Variants in ZNF813 observed in about 807,000 individuals in gnomAD.
ZNF813 encodes zinc finger protein 813.
A neutral mutation model predicts 7.2 loss-of-function variants in ZNF813; 3 were observed. The observed-to-expected ratio is 0.42, with a 90% CI of 0.19 to 1.08. The LOEUF is 1.08. Ranked by LOEUF, ZNF813 falls within the 50% of genes least tolerant of loss-of-function variation. ZNF813 has a pLI of 0.30. For synonymous variants in ZNF813, 227 were observed against 256.3 expected, an observed-to-expected ratio of 0.89 and a Z score of 1.09; for missense variants, 714 against 753.3, an observed-to-expected ratio of 0.95 and a Z score of 0.61.
At chr19:53,473,017 A>G (rs945920774) in intron 1 of ZNF813, among the ~76,000 whole-genome samples, 1 of 152,166 alleles carries the variant, frequency 6.6e-6, no homozygotes, top group African/African-American at 2.4e-5. Context: ...GTATGTGTAC[A>G]GTGGGGACAC....
intron 1 of ZNF813, among the ~76,000 whole-genome samples, chr19:53,471,878 G>A (rs926031112): frequency 6.7e-6 from 1 of 150,314 alleles, no homozygotes; most frequent in Non-Finnish European, 1.5e-5. Flanking sequence ...AAATTATCTT[G>A]TGACATTAAC....
In ZNF813 at chr19:53,490,564, C is replaced by T. The variant is rs1568432564; in HGVS notation, c.332C>T (p.Ala111Val). 6.2e-7 allele frequency: 1 copy of T among 1,614,146 alleles called. No individual in the cohort carries two copies. The highest frequency in any genetic ancestry group is 8.5e-7 in the Non-Finnish European group (1 of 1,180,034). ...WQEDERNSHE[A>V]PMTEIKKLTG... ...GAAGATGAAAGAAATAGCCATGAAG[C>T]ACCCATGACAGAAATCAAAAAGTTG... The change falls in exon 4 of 4, where the codon GCA becomes GTA. Residue 111 changes from alanine to valine, a missense_variant. Coordinates refer to ENST00000396403, the MANE Select transcript of ZNF813 (RefSeq NM_001004301.4).
chr19:53,481,344 C>CTT (rs66842546), intron 1 of ZNF813, among the ~76,000 whole-genome samples: 31 of 106,376 alleles, frequency 2.9e-4, no homozygotes, highest in Admixed American at 6.2e-4. Context: ...CCCATGTATT[C>CTT]TTTTTTTTTT....
At chr19:53,471,505 G>C (rs182167220) in intron 1 of ZNF813, among the ~76,000 whole-genome samples, 63 of 152,236 alleles carry the variant, frequency 4.1e-4, no homozygotes, top group Non-Finnish European at 7.1e-4. Flanking sequence ...GATAATGGAA[G>C]TTTTTAAGAG....
intron 3 of ZNF813, among the ~76,000 whole-genome samples, chr19:53,488,644 G>A (rs2086445340): frequency 1.4e-5 from 2 of 147,642 alleles, no homozygotes; most frequent in South Asian, 2.1e-4. Context: ...GGATGGTCTC[G>A]ATCTGACCTC....
At position 53,491,274 on chromosome 19, in the gene ZNF813, C is replaced by G. The variant is rs780761570; in HGVS notation, c.1042C>G (p.Leu348Val). The change falls in exon 4 of 4, where the codon CTT becomes GTT. Residue 348 changes from leucine (L) to valine (V), a missense_variant. Coordinates refer to ENST00000396403, the MANE Select transcript of ZNF813 (RefSeq NM_001004301.4). ...QTSSLTCHRR[L>V]HTGEKPFKCN... is the part of the protein sequence containing the mutation. ...GTCATCCCTTACATGCCATCGTAGA[C>G]TTCATACTGGAGAGAAACCTTTCAA... 1 of 1,613,890 alleles carries G rather than the reference C, an allele frequency of 6.2e-7. No individual in the cohort carries two copies. The highest frequency in any genetic ancestry group is 8.5e-7 in the Non-Finnish European group (1 of 1,179,934).
Position 53,493,314 on chromosome 19 carries a change from T to A in ZNF813, c.*1228T>A, listed in dbSNP as rs1443123885. 1 of 158,370 alleles carries A rather than the reference T, an allele frequency of 6.3e-6. No homozygotes were observed. Among genetic ancestry groups the A allele is most frequent in the African/African-American group, 2.4e-5 (1 of 41,526 alleles). The allele number at this position is 158,370 out of a possible 1,614,324, so 9.8% of individuals were successfully genotyped here. The stretch of plus-strand genomic sequence containing the variant: ...AAATCACATTGGGTTATATAATCAT[T>A]TAACAATATTAATTTTTCCAATCCA... On this transcript the variant is annotated 3_prime_UTR_variant, in exon 4 of 4. Coordinates refer to ENST00000396403, the MANE Select transcript of ZNF813 (RefSeq NM_001004301.4).
rs1568432501 is a variant in ZNF813 at position 53,490,436 on chromosome 19, GATCC to G, written c.206_209del (p.Ile69ThrfsTer28). 1.2e-6 allele frequency: 2 copies of G among 1,614,152 alleles called. No individual in the cohort carries two copies. Among genetic ancestry groups the G allele is most frequent in the Admixed American group, 3.3e-5 (2 of 60,018 alleles). On this transcript the variant is annotated frameshift_variant, in exon 4 of 4. Transcript: ENST00000396403. LOFTEE classifies it low-confidence loss of function (END_TRUNC). ...CAACAGCACAAGGCAATAGAGAAGTGATCCACACAGGGACATTGCAAAGACATGA... is the reference window on the plus strand; with the variant it reads ...CAACAGCACAAGGCAATAGAGAAGTGACACAGGGACATTGCAAAGACATGA...
At chr19:53,481,526 T>G (rs2086408673) in intron 1 of ZNF813, among the ~76,000 whole-genome samples, 1 of 151,862 alleles carries the variant, frequency 6.6e-6, no homozygotes, top group South Asian at 2.1e-4. Flanking sequence ...TTTTTGGATT[T>G]TTAGTAGAGA....
At chr19:53,468,982 A>G (rs547260886) in intron 1 of ZNF813, among the ~76,000 whole-genome samples, 1 of 120,192 alleles carries the variant, frequency 8.3e-6, no homozygotes, top group African/African-American at 3.1e-5. Flanking sequence ...AGTGGGGGGA[A>G]ACTTGGACAA....
rs12609217 is a variant in ZNF813, at chr19:53,490,510, A to T, written c.278A>T (p.Asp93Val). Residue 93 changes from aspartate to valine, a missense_variant, in exon 4 of 4, where the codon GAT (aspartate) becomes GTT (valine). By Grantham distance (152) the Asp-to-Val change is radical (BLOSUM62 -3). Around this residue, in one of 3 missense-constraint regions of ZNF813, gnomAD observed 563 missense variants for 554.2 expected, o/e 1.02. Coordinates refer to ENST00000396403, the MANE Select transcript of ZNF813 (RefSeq NM_001004301.4). ...TTTCGCTTTCAGGAAATTGATAAAGATATTCATAACTTAGAGTTTCAGTGG... is the reference window on the plus strand; with the variant it reads ...TTTCGCTTTCAGGAAATTGATAAAGTTATTCATAACTTAGAGTTTCAGTGG... ...GDFRFQEIDK[D>V]IHNLEFQWQE... The T allele has an allele frequency of 0.011, 17,115 of 1,614,168 alleles. 1,447 individuals carry two copies. In the East Asian group the frequency reaches 0.24, roughly 23 times the overall value.
At chr19:53,482,819 G>C (rs2086415856) in intron 1 of ZNF813, among the ~76,000 whole-genome samples, 1 of 148,250 alleles carries the variant, frequency 6.7e-6, no homozygotes, top group Admixed American at 6.8e-5. Context: ...CTGTTTCCTG[G>C]GTTCAAGTGA....
At chr19:53,481,211 C>G (rs2086406670) in intron 1 of ZNF813, among the ~76,000 whole-genome samples, 1 of 152,128 alleles carries the variant, frequency 6.6e-6, no homozygotes, top group African/African-American at 2.4e-5. Flanking sequence ...TGGGCACATT[C>G]CAGAGGCCAC....
At chr19:53,473,007 G>A (rs1402018018) in intron 1 of ZNF813, among the ~76,000 whole-genome samples, 1 of 152,138 alleles carries the variant, frequency 6.6e-6, no homozygotes, top group Non-Finnish European at 1.5e-5. Context: ...CAGGTAGGTA[G>A]TATGTGTACA....
Position 53,495,898 on chromosome 19 carries a change from T to C in ZNF813, c.*3812T>C. 1 of 274,972 alleles carries C rather than the reference T, an allele frequency of 3.6e-6. No homozygotes were observed. The allele number at this position is 274,972 out of a possible 1,614,324, so 17.0% of individuals were successfully genotyped here. On this transcript the variant is annotated 3_prime_UTR_variant, in exon 4 of 4. Coordinates refer to ENST00000396403, the MANE Select transcript of ZNF813 (RefSeq NM_001004301.4). Reference sequence around the variant, plus strand: ...CCCTTCTCGCCAGATCTCACAGGACTTTCAGATTTAAGCAATACCTGGCCA... The same window carrying C: ...CCCTTCTCGCCAGATCTCACAGGACCTTCAGATTTAAGCAATACCTGGCCA...
chr19:53,495,144 G>C lies in ZNF813; in HGVS notation c.*3058G>C, dbSNP rs535134684. ...AAACAGTTTGTAAATGGATAACTTA[G>C]TTTGAGTTGGGACAAGACAATGTTG... On this transcript the variant is annotated 3_prime_UTR_variant, in exon 4 of 4. Transcript: ENST00000396403. 1.3e-5 allele frequency: 2 copies of C among 152,322 alleles called. No homozygotes were observed. Among genetic ancestry groups the C allele is most frequent in the East Asian group, 1.9e-4 (1 of 5,170 alleles). 9.4% of individuals were successfully genotyped at this position (152,322 alleles called of 1,614,324 possible). A position where few individuals can be genotyped will look rare whatever the true frequency, so the allele number is the denominator to read the frequency against.
chr19:53,467,841 C>T (rs1388751647), intron 1 of ZNF813, 52 bp downstream of exon 1: 1 of 153,540 alleles, frequency 6.5e-6, no homozygotes, highest in Non-Finnish European at 1.5e-5. Context: ...GTCCCTGGCG[C>T]TTCTGTACCT....
In ZNF813 at chr19:53,491,112, A is replaced by G. The variant is rs1302107977; in HGVS notation, c.880A>G (p.Thr294Ala). 1.2e-6 allele frequency: 2 copies of G among 1,614,146 alleles called. No individual in the cohort carries two copies. The highest frequency in any genetic ancestry group is 4.5e-5 in the East Asian group (2 of 44,882). ...YSLTCHRRLH[T>A]GEKPYKCEEC... Reference sequence around the variant, plus strand: ...CCTTACATGCCATCGTAGACTTCATACTGGAGAGAAACCTTACAAATGTGA... The same window carrying G: ...CCTTACATGCCATCGTAGACTTCATGCTGGAGAGAAACCTTACAAATGTGA... Residue 294 changes from threonine (T) to alanine (A), a missense_variant, in exon 4 of 4, where the codon ACT becomes GCT. This residue lies in a region of ZNF813 where 563 missense variants were observed against 554.2 expected (regional missense o/e 1.02). Coordinates refer to ENST00000396403, the MANE Select transcript of ZNF813 (RefSeq NM_001004301.4).
chr19:53,474,868 G>C (rs566015108), intron 1 of ZNF813, among the ~76,000 whole-genome samples: 100 of 152,260 alleles, frequency 6.6e-4, no homozygotes, highest in Middle Eastern at 3.4e-3. Context: ...GGCAAACCAG[G>C]ATCTTTGATT....
Sources: gnomAD v4.1 joint callset for allele counts (sites outside exome capture counted in the v4.1 genomes callset) on GRCh38, gnomAD v4.1.1 for gene constraint, gnomAD v4.1.1 regional missense constraint, MANE v1.5 for transcripts, NCBI Gene and HGNC (gene_info 2026-07-23, HGNC 2026-07-21) for gene names.